The following INPP5B variants were observed in gnomAD, a reference collection of about 807,000 sequenced individuals.
INPP5B encodes type II inositol 1,4,5-trisphosphate 5-phosphatase.
INPP5B carries 90 observed loss-of-function variants against 118.5 expected under a neutral mutation model. The ratio of observed to expected loss-of-function variants is 0.76; its 90% CI spans 0.64 to 0.90. The LOEUF (loss-of-function observed/expected upper bound fraction) is 0.90, where lower values mean the gene tolerates loss of function less well. Ranked by LOEUF, INPP5B falls within the 40% of genes least tolerant of loss-of-function variation. The probability of loss-of-function intolerance (pLI) is 0.00; values close to 1 mark genes in which losing one functional copy is unlikely to be tolerated. For synonymous variants in INPP5B, 385 were observed against 418.9 expected, an observed-to-expected ratio of 0.92 and a Z score of 0.99; for missense variants, 984 against 1,125.6, an observed-to-expected ratio of 0.87 and a Z score of 1.80.
intron 7 of INPP5B, among the ~76,000 whole-genome samples, chr1:37,925,279 C>G (rs1394772274): frequency 6.6e-6 from 1 of 152,112 alleles, no homozygotes; most frequent in Non-Finnish European, 1.5e-5. Flanking sequence ...GTCCAGGCCT[C>G]TTGACATCCA....
At chr1:37,863,174 G>GCCCTCTCCCAT (rs1641805687) in intron 23 of INPP5B, among the ~76,000 whole-genome samples, 1 of 149,892 alleles carries the variant, frequency 6.7e-6, no homozygotes, top group Non-Finnish European at 1.5e-5. Flanking sequence ...CTGGCTCCCA[G>GCCCTCTCCCAT]CCCTCTCCCA....
Position 37,940,711 on chromosome 1 carries a change from T to A in INPP5B, c.368A>T (p.His123Leu). 1.2e-6 allele frequency: 2 copies of A among 1,613,756 alleles called. No homozygotes were observed. Among genetic ancestry groups the A allele is most frequent in the Admixed American group, 3.3e-5 (2 of 59,984 alleles). ...PFGSQTRMFLHEVARACPGFD... is the reference protein window; with the variant it reads ...PFGSQTRMFLLEVARACPGFD... Reference sequence around the variant, plus strand: ...ACCTGGACAGGCCCTGGCAACTTCGTGGAGGAACATCCTGGTTTGTGAACC... The same window carrying A: ...ACCTGGACAGGCCCTGGCAACTTCGAGGAGGAACATCCTGGTTTGTGAACC... The change falls in exon 6 of 24, where the codon CAC (histidine) becomes CTC (leucine). Residue 123 changes from histidine to leucine, a missense_variant. His to Leu is a moderately conservative substitution (Grantham distance 99). Coordinates refer to ENST00000373024, the MANE Select transcript of INPP5B (RefSeq NM_005540.3).
intron 12 of INPP5B, among the ~76,000 whole-genome samples, chr1:37,886,576 C>A (rs1011490261): frequency 1.3e-5 from 2 of 152,204 alleles, no homozygotes; most frequent in African/African-American, 4.8e-5. Flanking sequence ...AACCTACTGT[C>A]AGCATTCTTT....
In INPP5B at chr1:37,943,866, C is replaced by T; in HGVS notation, c.180G>A (p.Met60Ile). Residue 60 changes from methionine to isoleucine, a missense_variant, in exon 4 of 24, where the codon ATG (methionine) becomes ATA (isoleucine). By Grantham distance (10) the Met-to-Ile change is conservative. Coordinates refer to ENST00000373024, the MANE Select transcript of INPP5B (RefSeq NM_005540.3). ...GAGAGACATCGTCCCCGGTAATGGC[C>T]ATCCTCCGGTGCGTATAGAGGAAGA... ...HALFLYTHRR[M>I]AITGDDVSLD... The T allele has an allele frequency of 2.5e-6, 4 of 1,614,054 alleles. No individual in the cohort carries two copies. The African/African-American group carries it at 4.0e-5, about 16-fold the overall frequency.
intron 12 of INPP5B, among the ~76,000 whole-genome samples, chr1:37,886,355 C>T (rs2148508488): frequency 6.6e-6 from 1 of 152,150 alleles, no homozygotes; most frequent in South Asian, 2.1e-4. Context: ...CTCCTGGCCT[C>T]AAGTGATCCA....
chr1:37,866,385 T>C (rs1642033441), intron 21 of INPP5B, 74 bp downstream of exon 21: 1 of 605,434 alleles, frequency 1.7e-6, no homozygotes, highest in Non-Finnish European at 3.0e-6. Context: ...CTCACTCATA[T>C]TCTCTCTCTC....
At chr1:37,885,556 C>T (rs1257313395) in intron 13 of INPP5B, 82 bp downstream of exon 13, 10 of 1,228,136 alleles carry the variant, frequency 8.1e-6, no homozygotes, top group African/African-American at 1.5e-5. Flanking sequence ...GAAACCACCA[C>T]CAGGCATCTC....
chr1:37,897,349 A>G (rs1644156348), intron 7 of INPP5B, among the ~76,000 whole-genome samples: 1 of 149,842 alleles, frequency 6.7e-6, no homozygotes. Flanking sequence ...CTGTGTAGAA[A>G]GAGGTAGACA....
At chr1:37,939,390 C>T (rs1645825846) in intron 6 of INPP5B, among the ~76,000 whole-genome samples, 2 of 151,484 alleles carry the variant, frequency 1.3e-5, no homozygotes, top group Admixed American at 1.3e-4. Context: ...ATAAATAAAC[C>T]TCTTAACCAG....
chr1:37,901,622 G>T (rs1374335504), intron 7 of INPP5B, among the ~76,000 whole-genome samples: 1 of 152,074 alleles, frequency 6.6e-6, no homozygotes, highest in Non-Finnish European at 1.5e-5. Flanking sequence ...CTTCTCACAG[G>T]GGGTCTCTCA....
intron 19 of INPP5B, among the ~76,000 whole-genome samples, chr1:37,871,452 C>T (rs909496575): frequency 2.0e-5 from 3 of 150,720 alleles, no homozygotes; most frequent in Non-Finnish European, 4.4e-5. Context: ...AGTGAGACGC[C>T]GACTCACAAA....
chr1:37,931,794 C>T (rs954815702), intron 7 of INPP5B, 119 bp downstream of exon 7: 1 of 1,606,852 alleles, frequency 6.2e-7, no homozygotes, highest in Non-Finnish European at 8.5e-7. Context: ...CCCCGTGTGC[C>T]CGCTCCATCA....
intron 1 of INPP5B, among the ~76,000 whole-genome samples, 193 bp downstream of exon 1, chr1:37,946,797 C>T (rs1462967855): frequency 6.6e-6 from 1 of 152,124 alleles, no homozygotes; most frequent in East Asian, 1.9e-4. Context: ...GGTCCCATTC[C>T]TCTTTCCTTG....
intron 7 of INPP5B, among the ~76,000 whole-genome samples, chr1:37,913,117 C>A (rs981328876): frequency 6.6e-6 from 1 of 152,012 alleles, no homozygotes; most frequent in Non-Finnish European, 1.5e-5. Context: ...CTTAGCTGGG[C>A]GTGGTGGCGG....
In INPP5B at chr1:37,872,925, C is replaced by T. The variant is rs1265654487; in HGVS notation, c.2187+5G>A. 1 of 1,605,632 alleles carries T rather than the reference C, an allele frequency of 6.2e-7. No individual in the cohort carries two copies. The highest frequency in any genetic ancestry group is 8.5e-7 in the Non-Finnish European group (1 of 1,172,674). On this transcript the variant is annotated splice_donor_5th_base_variant and intron_variant, in intron 19 of 23. Coordinates refer to ENST00000373024, the MANE Select transcript of INPP5B (RefSeq NM_005540.3). ...CTAGATGTTTCTTTGTGGCATATTACTCACCAGCTCACTAATGGTTTCAAG... is the reference window on the plus strand; with the variant it reads ...CTAGATGTTTCTTTGTGGCATATTATTCACCAGCTCACTAATGGTTTCAAG...
Position 37,874,169 on chromosome 1 carries a change from CG to C in INPP5B, c.1789-15del. On this transcript the variant is annotated splice_polypyrimidine_tract_variant and intron_variant, in intron 17 of 23. Coordinates refer to ENST00000373024, the MANE Select transcript of INPP5B (RefSeq NM_005540.3). Reference sequence around the variant, plus strand: ...CTGAAAACAGAACTGGGAAGAAGCCCGGGGCCAGTGAAAACCAGTGCCCTTT... The same window carrying C: ...CTGAAAACAGAACTGGGAAGAAGCCCGGGCCAGTGAAAACCAGTGCCCTTT... 3 of 1,543,236 alleles carry C rather than the reference CG, an allele frequency of 1.9e-6. No individual in the cohort carries two copies. The highest frequency in any genetic ancestry group is 1.4e-5 in the African/African-American group (1 of 73,838).
chr1:37,901,627 C>G (rs1261690407), intron 7 of INPP5B, among the ~76,000 whole-genome samples: 2 of 152,112 alleles, frequency 1.3e-5, no homozygotes, highest in Admixed American at 6.5e-5. Flanking sequence ...CACAGGGGGT[C>G]TCTCAGGACA....
intron 5 of INPP5B, among the ~76,000 whole-genome samples, 159 bp from the exon 6 acceptor site, chr1:37,940,957 C>T (rs1470145593): frequency 6.6e-6 from 1 of 152,146 alleles, no homozygotes; most frequent in African/African-American, 2.4e-5. Flanking sequence ...CAAGGAAACC[C>T]TCTGTACCCT....
At chr1:37,896,370 T>A (rs1644064663) in intron 7 of INPP5B, among the ~76,000 whole-genome samples, 1 of 148,576 alleles carries the variant, frequency 6.7e-6, no homozygotes, top group South Asian at 2.2e-4. Flanking sequence ...CCGCCCCGTC[T>A]GAGAAGTGAG....
Sources: gnomAD v4.1 joint callset for allele counts (sites outside exome capture counted in the v4.1 genomes callset) on GRCh38, gnomAD v4.1.1 for gene constraint, MANE v1.5 for transcripts, NCBI Gene and HGNC (gene_info 2026-07-23, HGNC 2026-07-21) for gene names.